The following NMNAT2 variants were observed in gnomAD, a reference collection of about 807,000 sequenced individuals.
The protein encoded by NMNAT2 is nicotinamide nucleotide adenylyltransferase 2, also known as nicotinamide/nicotinic acid mononucleotide adenylyltransferase 2.
In NMNAT2, 11 loss-of-function variants were observed where a neutral mutation model predicts 41.6. That is an observed-to-expected ratio of 0.26 (90% CI 0.17 to 0.44). NMNAT2 has a LOEUF of 0.44. Ranked by LOEUF, NMNAT2 falls within the 20% of genes least tolerant of loss-of-function variation. NMNAT2 has a pLI of 1.00. For synonymous variants in NMNAT2, 148 were observed against 151.2 expected (o/e 0.98, Z 0.16); for missense variants, 288 against 407.7 (o/e 0.71, Z 2.53).
intron 8 of NMNAT2, among the ~76,000 whole-genome samples, chr1:183,264,406 C>A (rs1660750347): frequency 6.6e-6 from 1 of 151,884 alleles, no homozygotes. Context: ...AGATGTTTTC[C>A]TTTTCCAAAA....
chr1:183,275,604 G>GTA (rs1661101548), intron 8 of NMNAT2, among the ~76,000 whole-genome samples: 4 of 151,644 alleles, frequency 2.6e-5, no homozygotes, highest in African/African-American at 7.3e-5. Flanking sequence ...AGCTAGGATG[G>GTA]GTGTCCTGGG....
At chr1:183,320,399 T>C (rs1292298631) in intron 1 of NMNAT2, among the ~76,000 whole-genome samples, 6 of 151,450 alleles carry the variant, frequency 4.0e-5, no homozygotes, top group Non-Finnish European at 5.9e-5. Context: ...AGGTCAGGAG[T>C]TCAAGACCAG....
chr1:183,386,059 G>A (rs1648234007), intron 1 of NMNAT2, among the ~76,000 whole-genome samples: 1 of 152,120 alleles, frequency 6.6e-6, no homozygotes, highest in African/African-American at 2.4e-5. Flanking sequence ...ACGCTACTTG[G>A]GAGGACTGTG....
chr1:183,273,845 T>C (rs188482559), intron 8 of NMNAT2, among the ~76,000 whole-genome samples: 1,139 of 74,702 alleles, frequency 0.015, 147 homozygotes, highest in South Asian at 0.04. Flanking sequence ...CTCCCTCCCT[T>C]CCTTCCTTCC....
intron 1 of NMNAT2, among the ~76,000 whole-genome samples, chr1:183,369,379 C>T (rs1267305131): frequency 1.3e-5 from 2 of 151,296 alleles, no homozygotes; most frequent in Non-Finnish European, 2.9e-5. Context: ...TGGGTTCAAG[C>T]GATTCTCCTG....
Position 183,269,865 on chromosome 1 carries a change from T to G in NMNAT2, c.652-8562A>C, listed in dbSNP as rs150055738. Among the ~76,000 whole-genome samples, 722 of 152,234 alleles carry G rather than the reference T, an allele frequency of 4.7e-3. 4 individuals carry two copies. Among genetic ancestry groups the G allele is most frequent in the Non-Finnish European group, 7.8e-3 (532 of 68,000 alleles). On this transcript the variant is annotated intron_variant, in intron 8 of 10. Transcript: ENST00000287713. Reference sequence around the variant, plus strand: ...CCTCTTCTAGATCCACTTTTAAGACTCATATTGTAGTGACTTGAAACTTTT... The same window carrying G: ...CCTCTTCTAGATCCACTTTTAAGACGCATATTGTAGTGACTTGAAACTTTT...
chr1:183,382,799 C>T (rs749266110), intron 1 of NMNAT2, among the ~76,000 whole-genome samples: 13 of 152,182 alleles, frequency 8.5e-5, no homozygotes, highest in Non-Finnish European at 1.5e-4. Flanking sequence ...CATCTCTGCC[C>T]CTTTAGCTCT....
At chr1:183,372,109 A>G (rs1663557098) in intron 1 of NMNAT2, among the ~76,000 whole-genome samples, 1 of 152,296 alleles carries the variant, frequency 6.6e-6, no homozygotes, top group South Asian at 2.1e-4. Context: ...AGGGAGCAAC[A>G]TGAAGCAAAC....
At chr1:183,376,099 A>T (rs1663673179) in intron 1 of NMNAT2, among the ~76,000 whole-genome samples, 1 of 152,240 alleles carries the variant, frequency 6.6e-6, no homozygotes, top group Non-Finnish European at 1.5e-5. Flanking sequence ...AGTGCTGAAG[A>T]GGTCATGATA....
chr1:183,381,540 A>G (rs1467250238), intron 1 of NMNAT2, among the ~76,000 whole-genome samples: 1 of 152,146 alleles, frequency 6.6e-6, no homozygotes, highest in African/African-American at 2.4e-5. Context: ...TACTGAAGAT[A>G]CAAAAAATTA....
chr1:183,290,245 CT>C, intron 3 of NMNAT2, 39 bp from the exon 4 acceptor site: 4 of 1,487,036 alleles, frequency 2.7e-6, no homozygotes, highest in Non-Finnish European at 3.7e-6. Context: ...GGTTTCTGTT[CT>C]CATATTCTTT....
intron 1 of NMNAT2, among the ~76,000 whole-genome samples, chr1:183,371,388 G>A (rs2101911155): frequency 6.6e-6 from 1 of 152,318 alleles, no homozygotes; most frequent in Non-Finnish European, 1.5e-5. Flanking sequence ...ATACTGTGGA[G>A]GTGGTTACAT....
At chr1:183,389,822 A>AAGAT (rs1557897741) in intron 1 of NMNAT2, among the ~76,000 whole-genome samples, 2 of 78,480 alleles carry the variant, frequency 2.5e-5, no homozygotes, top group African/African-American at 8.4e-5. Flanking sequence ...GAAAGAAAGA[A>AAGAT]AGAAAGAAAG....
rs201203375 is a variant in NMNAT2 at position 183,248,777 on chromosome 1, T to G, written c.*3864A>C. The G allele has an allele frequency of 3.9e-5, 6 of 152,226 alleles. No homozygotes were observed. The highest frequency in any genetic ancestry group is 2.1e-4 in the South Asian group (1 of 4,832). 9.4% of individuals were successfully genotyped at this position (152,226 alleles called of 1,614,324 possible). On this transcript the variant is annotated 3_prime_UTR_variant, in exon 11 of 11. Coordinates refer to ENST00000287713, the MANE Select transcript of NMNAT2 (RefSeq NM_015039.4). Reference sequence around the variant, plus strand: ...ATCTCACCTGTTGGCCCTCCTGCAGTAGGTAGCCTTGGGAGAGATCCTGAG... The same window carrying G: ...ATCTCACCTGTTGGCCCTCCTGCAGGAGGTAGCCTTGGGAGAGATCCTGAG...
intron 1 of NMNAT2, among the ~76,000 whole-genome samples, chr1:183,340,011 G>A (rs1300534000): frequency 6.6e-6 from 1 of 152,222 alleles, no homozygotes; most frequent in African/African-American, 2.4e-5. Flanking sequence ...GATCAGCAGA[G>A]TCACTTAGGC....
chr1:183,275,822 G>C (rs955343965), intron 8 of NMNAT2, among the ~76,000 whole-genome samples: 1 of 152,138 alleles, frequency 6.6e-6, no homozygotes, highest in Admixed American at 6.5e-5. Flanking sequence ...ACAGGAGCCC[G>C]CCACCACGCC....
In NMNAT2 at chr1:183,261,068, T is replaced by C; in HGVS notation, c.755A>G (p.Asn252Ser). 1 of 1,613,830 alleles carries C rather than the reference T, an allele frequency of 6.2e-7. No homozygotes were observed. Among genetic ancestry groups the C allele is most frequent in the Non-Finnish European group, 8.5e-7 (1 of 1,179,700 alleles). ...GTCATCCTTCACCACCATGATGTTGTTCTGAGGACAGAGCAGACAGAGTCA... is the reference window on the plus strand; with the variant it reads ...GTCATCCTTCACCACCATGATGTTGCTCTGAGGACAGAGCAGACAGAGTCA... ...NHSSILRKYK[N>S]NIMVVKDDIN... The change falls in exon 10 of 11, where the codon AAC becomes AGC. Residue 252 changes from asparagine (N) to serine (S), a missense_variant and splice_region_variant. Around this residue, in one of 3 missense-constraint regions of NMNAT2, gnomAD observed 181 missense variants for 213.7 expected, o/e 0.85. Transcript: ENST00000287713.
At chr1:183,336,694 T>C (rs1395735656) in intron 1 of NMNAT2, among the ~76,000 whole-genome samples, 2 of 152,194 alleles carry the variant, frequency 1.3e-5, no homozygotes, top group Non-Finnish European at 2.9e-5. Flanking sequence ...GATTCAGCAA[T>C]TCTATTCCTA....
At chr1:183,331,195 C>T (rs1047270211) in intron 1 of NMNAT2, among the ~76,000 whole-genome samples, 3 of 151,976 alleles carry the variant, frequency 2.0e-5, no homozygotes, top group East Asian at 1.9e-4. Context: ...TGGGGGTGGC[C>T]GTGGCGCACT....
Sources: gnomAD v4.1 joint callset for allele counts (sites outside exome capture counted in the v4.1 genomes callset) on GRCh38, gnomAD v4.1.1 for gene constraint, gnomAD v4.1.1 regional missense constraint, MANE v1.5 for transcripts, NCBI Gene and HGNC (gene_info 2026-07-23, HGNC 2026-07-21) for gene names.